EFNA2: variants seen among roughly 807,000 people sequenced by gnomAD.
EFNA2 encodes ephrin-A2.
Under a neutral mutation model 19.7 loss-of-function variants are expected in EFNA2, and 18 were observed. That is an observed-to-expected ratio of 0.91 (90% confidence interval 0.63 to 1.35). The LOEUF is 1.35. Ranked by LOEUF, EFNA2 falls within the 40% of genes most tolerant of loss-of-function variation. The probability of loss-of-function intolerance (pLI) is 0.00; values close to 1 mark genes in which losing one functional copy is unlikely to be tolerated. For missense variants in EFNA2, 303 were observed against 296.0 expected (o/e 1.02, Z -0.17); for synonymous variants, 187 against 137.8 (o/e 1.36, Z -2.50).
At chr19:1,290,447 T>C (rs1048083760) in intron 1 of EFNA2, among the ~76,000 whole-genome samples, 15 of 152,140 alleles carry the variant, frequency 9.9e-5, no homozygotes, top group Non-Finnish European at 1.9e-4. Context: ...GGATTTGACC[T>C]TCCCCCGTCT....
chr19:1,289,029 C>T (rs780178852), intron 1 of EFNA2, among the ~76,000 whole-genome samples: 7 of 152,364 alleles, frequency 4.6e-5, no homozygotes, highest in South Asian at 4.1e-4. Context: ...TGCATTCCCA[C>T]GGCTGCTCAT....
chr19:1,295,690 G>A lies in EFNA2; in HGVS notation c.286G>A (p.Gly96Ser). 6.2e-7 allele frequency: 1 copy of A among 1,609,226 alleles called. No homozygotes were observed. The highest frequency in any genetic ancestry group is 1.1e-5 in the South Asian group (1 of 90,464). The change falls in exon 2 of 4, where the codon GGC (glycine) becomes AGC (serine). Residue 96 changes from glycine (G) to serine (S), a missense_variant. Coordinates refer to ENST00000215368, the MANE Select transcript of EFNA2 (RefSeq NM_001405.4). The surrounding 1 kb of genome is among the most constrained non-coding windows in gnomAD (Gnocchi z 5.8). ...GCACTACGTGCTGTACATGGTCAAC[G>A]GCGAGGGCCACGCCTCCTGCGACCA... ...MEHYVLYMVN[G>S]EGHASCDHRQ...
At chr19:1,292,863 C>A (rs2081497888) in intron 1 of EFNA2, among the ~76,000 whole-genome samples, 1 of 152,200 alleles carries the variant, frequency 6.6e-6, no homozygotes, top group Admixed American at 6.5e-5. Flanking sequence ...GCCGCTCAGC[C>A]ACACAGAAGC....
rs1568872028 is a variant in EFNA2 at position 1,299,805 on chromosome 19, CTG to C, written c.521-17_521-16del. On this transcript the variant is annotated splice_polypyrimidine_tract_variant and intron_variant, in intron 3 of 3. Coordinates refer to ENST00000215368, the MANE Select transcript of EFNA2 (RefSeq NM_001405.4). ...GGGGTTCGGGCGGCCGCTGAGCGTG[CTG>C]TCTCTGCCACCCGCAGACGAGACCC... The C allele has an allele frequency of 2.5e-6, 4 of 1,589,814 alleles. No homozygotes were observed. The highest frequency in any genetic ancestry group is 8.5e-7 in the Non-Finnish European group (1 of 1,172,140).
rs1190679461 is a variant in EFNA2, at chr19:1,295,403, G to A, written c.141-142G>A. ...CCTGGCGCACCCTGACCCGTCCCCC[G>A]TGCTCCTGACCCCGGCCCTCGCCGC... is the stretch of plus-strand genomic sequence containing the variant. On this transcript the variant is annotated intron_variant, in intron 1 of 3. Coordinates refer to ENST00000215368, the MANE Select transcript of EFNA2 (RefSeq NM_001405.4). This position sits in a 1 kb window ranked among gnomAD's most constrained non-coding sequence, Gnocchi z 5.8. 3.9e-6 allele frequency: 3 copies of A among 771,100 alleles called. No homozygotes were observed. The highest frequency in any genetic ancestry group is 3.8e-6 in the Non-Finnish European group (2 of 520,988). The allele number at this position is 771,100 out of a possible 1,614,324, so 47.8% of individuals were successfully genotyped here.
chr19:1,298,658 C>T (rs1055205415), intron 3 of EFNA2, 42 bp downstream of exon 3: 1 of 1,606,616 alleles, frequency 6.2e-7, no homozygotes, highest in Middle Eastern at 1.7e-4. Flanking sequence ...GCCCCCACCC[C>T]TGTGTCCTAA....
Position 1,295,658 on chromosome 19 carries a change from G to T in EFNA2, c.254G>T (p.Arg85Leu), listed in dbSNP as rs1458133745. The T allele has an allele frequency of 1.9e-6, 3 of 1,611,586 alleles. No homozygotes were observed. The highest frequency in any genetic ancestry group is 2.5e-6 in the Non-Finnish European group (3 of 1,179,386). ...HYGAPLPPAE[R>L]MEHYVLYMVN... ...GGGGCGCCGCTGCCGCCGGCCGAGC[G>T]CATGGAGCACTACGTGCTGTACATG... Residue 85 changes from arginine (R) to leucine (L), a missense_variant, in exon 2 of 4, where the codon CGC becomes CTC. Transcript: ENST00000215368. The surrounding 1 kb of genome is among the most constrained non-coding windows in gnomAD (Gnocchi z 5.8).
chr19:1,298,727 T>TC, intron 3 of EFNA2, 111 bp downstream of exon 3: 1 of 1,229,436 alleles, frequency 8.1e-7, no homozygotes, highest in Non-Finnish European at 1.1e-6. Context: ...GGTTTCCCTA[T>TC]CTTGCCCTGC....
At position 1,296,158 on chromosome 19, in the gene EFNA2, G is replaced by A. The variant is rs151287867; in HGVS notation, c.454+300G>A. 5.3e-3 allele frequency among the ~76,000 whole-genome samples: 813 copies of A among 152,358 alleles called. 12 individuals carry two copies. Among genetic ancestry groups the A allele is most frequent in the African/African-American group, 0.019 (788 of 41,580 alleles). On this transcript the variant is annotated intron_variant, in intron 2 of 3. Transcript: ENST00000215368. This position sits in a 1 kb window ranked among gnomAD's most constrained non-coding sequence, Gnocchi z 4.4. ...TGCCATTCTCCCAACCATCCCGGGAGGCCAGGACTTTCCTCGTCCTTCGTT... is the reference window on the plus strand; with the variant it reads ...TGCCATTCTCCCAACCATCCCGGGAAGCCAGGACTTTCCTCGTCCTTCGTT...
chr19:1,299,777 A>T, intron 3 of EFNA2, 47 bp from the exon 4 acceptor site: 2 of 1,557,242 alleles, frequency 1.3e-6, no homozygotes, highest in Non-Finnish European at 1.7e-6. Flanking sequence ...TGGGGAGCCC[A>T]GTGGGGTTCG....
rs369070731 is a variant in EFNA2 at position 1,287,711 on chromosome 19, G to T, written c.140+1403G>T. 6.6e-6 allele frequency among the ~76,000 whole-genome samples: 1 copy of T among 152,144 alleles called. No homozygotes were observed. The highest frequency in any genetic ancestry group is 2.4e-5 in the African/African-American group (1 of 41,428). ...CCACCTCAGAGCGGGTCCCCGAGCC[G>T]CCCGCTGTGCTGGTCACATGTGGGT... On this transcript the variant is annotated intron_variant, in intron 1 of 3. Coordinates refer to ENST00000215368, the MANE Select transcript of EFNA2 (RefSeq NM_001405.4). This position sits in a 1 kb window ranked among gnomAD's most constrained non-coding sequence, Gnocchi z 6.2.
chr19:1,299,520 C>T (rs1305893952), intron 3 of EFNA2, among the ~76,000 whole-genome samples: 3 of 150,344 alleles, frequency 2.0e-5, no homozygotes, highest in Non-Finnish European at 4.4e-5. Context: ...TGCGCCACTG[C>T]ACGCCAGCCT....
chr19:1,292,331 C>T (rs910033671), intron 1 of EFNA2, among the ~76,000 whole-genome samples: 1 of 152,270 alleles, frequency 6.6e-6, no homozygotes, highest in Non-Finnish European at 1.5e-5. Flanking sequence ...CCCCTGGGAC[C>T]TGCCCTCCAA....
chr19:1,298,568 G>A lies in EFNA2; in HGVS notation c.472G>A (p.Ala158Thr). The A allele has an allele frequency of 6.2e-7, 1 of 1,614,054 alleles. No individual in the cohort carries two copies. The highest frequency in any genetic ancestry group is 8.5e-7 in the Non-Finnish European group (1 of 1,180,002). Residue 158 changes from alanine (A) to threonine (T), a missense_variant, in exon 3 of 4, where the codon GCT becomes ACT. Coordinates refer to ENST00000215368, the MANE Select transcript of EFNA2 (RefSeq NM_001405.4). The stretch of plus-strand genomic sequence containing the variant: ...TCTTCTAGCTGCCACGCCTCCCAAT[G>A]CTGTGGACCGGCCCTGCCTGCGACT... ...YYYISATPPN[A>T]VDRPCLRLKV...
At position 1,294,280 on chromosome 19, in the gene EFNA2, G is replaced by C. The variant is rs547355901; in HGVS notation, c.141-1265G>C. On this transcript the variant is annotated intron_variant, in intron 1 of 3. Coordinates refer to ENST00000215368, the MANE Select transcript of EFNA2 (RefSeq NM_001405.4). The surrounding 1 kb of genome is among the most constrained non-coding windows in gnomAD (Gnocchi z 5.8). ...GACAGGGGCCCTGGGGACCACAGCC[G>C]GGAGATCTAAGGGCTCCTGCCGCCA... is the stretch of plus-strand genomic sequence containing the variant. Among the ~76,000 whole-genome samples, 1 of 152,220 alleles carries C rather than the reference G, an allele frequency of 6.6e-6. No individual in the cohort carries two copies. Among genetic ancestry groups the C allele is most frequent in the African/African-American group, 2.4e-5 (1 of 41,462 alleles).
intron 3 of EFNA2, 38 bp downstream of exon 3, chr19:1,298,654 A>C (rs775424737): frequency 6.2e-7 from 1 of 1,606,584 alleles, no homozygotes; most frequent in Non-Finnish European, 8.5e-7. Flanking sequence ...CCAGGCCCCC[A>C]CCCCTGTGTC....
rs2081537971 is a variant in EFNA2 at position 1,300,578 on chromosome 19, C to G, written c.*633C>G. ...GCACCCCACTCGTGGGGGAACACAG[C>G]TGCAGCCCACCGCGGACCCCCCTGG... is the stretch of plus-strand genomic sequence containing the variant. On this transcript the variant is annotated 3_prime_UTR_variant, in exon 4 of 4. Transcript: ENST00000215368. Among the ~76,000 whole-genome samples, 1 of 152,066 alleles carries G rather than the reference C, an allele frequency of 6.6e-6. No homozygotes were observed. Among genetic ancestry groups the G allele is most frequent in the Non-Finnish European group, 1.5e-5 (1 of 68,016 alleles).
upstream of EFNA2, among the ~76,000 whole-genome samples, chr19:1,285,434 G>C (rs2081458647): frequency 6.6e-6 from 1 of 152,228 alleles, no homozygotes; most frequent in Non-Finnish European, 1.5e-5. This position sits in a 1 kb window ranked among gnomAD's most constrained non-coding sequence, Gnocchi z 4.1. Context: ...GAGGGCCCCA[G>C]GGAGGTCGCA....
At chr19:1,290,635 C>T (rs2144615238) in intron 1 of EFNA2, among the ~76,000 whole-genome samples, 1 of 152,244 alleles carries the variant, frequency 6.6e-6, no homozygotes, top group Admixed American at 6.5e-5. Context: ...TTCCCCGGGA[C>T]ACGGCTTCTC....
Sources: gnomAD v4.1 joint callset for allele counts (sites outside exome capture counted in the v4.1 genomes callset) on GRCh38, gnomAD v4.1.1 for gene constraint, Gnocchi (gnomAD v3.1) non-coding constraint, MANE v1.5 for transcripts, NCBI Gene and HGNC (gene_info 2026-07-23, HGNC 2026-07-21) for gene names.